The following PRKCB variants were observed in gnomAD, a reference collection of about 807,000 sequenced individuals.
PRKCB encodes protein kinase C beta.
PRKCB carries 13 observed loss-of-function variants against 81.5 expected under a neutral mutation model. The ratio of observed to expected loss-of-function variants is 0.16; its 90% CI spans 0.10 to 0.25. The LOEUF (loss-of-function observed/expected upper bound fraction) is 0.25. PRKCB is among the 10% of genes least tolerant of loss of function. The probability of loss-of-function intolerance (pLI) is 1.00; values close to 1 mark genes in which losing one functional copy is unlikely to be tolerated. For synonymous variants in PRKCB, 335 were observed against 321.4 expected (o/e 1.04, Z -0.45); for missense variants, 509 against 875.7 (o/e 0.58, Z 5.29).
At chr16:23,885,262 G>T (rs1022458341) in intron 2 of PRKCB, among the ~76,000 whole-genome samples, 2 of 152,234 alleles carry the variant, frequency 1.3e-5, no homozygotes, top group Middle Eastern at 6.8e-3. Context: ...TTCTTAAGCA[G>T]ATGGGAGATC....
At chr16:23,863,712 C>T (rs76094990) in intron 2 of PRKCB, among the ~76,000 whole-genome samples, 98 of 152,268 alleles carry the variant, frequency 6.4e-4, no homozygotes, top group African/African-American at 2.3e-3. Flanking sequence ...TGGAGTCAGT[C>T]TTGTCCGCTT....
At position 23,883,410 on chromosome 16, in the gene PRKCB, G is replaced by A. The variant is rs182325942; in HGVS notation, c.205+46004G>A. Among the ~76,000 whole-genome samples the A allele has an allele frequency of 5.9e-5, 9 of 152,262 alleles. 1 individual carries two copies. The highest frequency in any genetic ancestry group is 5.2e-4 in the Admixed American group (8 of 15,294). On this transcript the variant is annotated intron_variant, in intron 2 of 16. Transcript: ENST00000643927. The stretch of plus-strand genomic sequence containing the variant: ...GGCTAGGCGTGATCCTTGTTGCTGG[G>A]GCGTGGTGGGTGTGGGGCCAGATCA...
intron 5 of PRKCB, 33 bp downstream of exon 5, chr16:24,035,580 C>A (rs764975842): frequency 1.3e-6 from 2 of 1,584,468 alleles, no homozygotes; most frequent in Non-Finnish European, 8.6e-7. Flanking sequence ...TGGCTCCTGA[C>A]CTTGCTTGAC....
chr16:23,972,716 G>A (rs931475217), intron 2 of PRKCB, among the ~76,000 whole-genome samples: 2 of 152,120 alleles, frequency 1.3e-5, no homozygotes, highest in East Asian at 1.9e-4. Context: ...CTGGTGAAGG[G>A]GAAACATTGG....
intron 5 of PRKCB, among the ~76,000 whole-genome samples, chr16:24,043,529 G>A (rs1025206032): frequency 6.6e-6 from 1 of 152,038 alleles, no homozygotes; most frequent in African/African-American, 2.4e-5. Flanking sequence ...CACCCCATGA[G>A]GCCAGGGGAA....
intron 5 of PRKCB, among the ~76,000 whole-genome samples, chr16:24,044,651 A>G (rs34569235): frequency 0.52 from 78,647 of 152,110 alleles, 21,174 homozygotes; most frequent in African/African-American, 0.65. Flanking sequence ...ATAAAGTTTT[A>G]TTGGAACACA....
chr16:23,838,967 G>A (rs922286592), intron 2 of PRKCB, among the ~76,000 whole-genome samples: 1 of 152,214 alleles, frequency 6.6e-6, no homozygotes, highest in Non-Finnish European at 1.5e-5. Context: ...AATGCCAATG[G>A]TGTCTTGGCA....
At chr16:24,096,736 T>TA (rs1459148558) in intron 7 of PRKCB, among the ~76,000 whole-genome samples, 6 of 139,628 alleles carry the variant, frequency 4.3e-5, no homozygotes, top group Non-Finnish European at 9.1e-5. Context: ...AGAGGCTGGG[T>TA]AAGCCCCCTT....
At chr16:23,984,102 T>G (rs951744304) in intron 2 of PRKCB, among the ~76,000 whole-genome samples, 6 of 151,788 alleles carry the variant, frequency 4.0e-5, no homozygotes, top group African/African-American at 1.5e-4. Flanking sequence ...TAAAAGAGGG[T>G]TTTTAGCCAT....
rs145781441 is a variant in PRKCB, at chr16:23,855,109, G to A, written c.205+17703G>A. On this transcript the variant is annotated intron_variant, in intron 2 of 16. Transcript: ENST00000643927. ...TGAGATTCAGAGAAAGGAAGACAAA[G>A]CCCCTGTACTTGAGGAGGGAGAGAA... Among the ~76,000 whole-genome samples the A allele has an allele frequency of 1.4e-3, 218 of 152,084 alleles. 1 individual carries two copies. The highest frequency in any genetic ancestry group is 5.0e-3 in the African/African-American group (206 of 41,460).
At chr16:24,079,638 C>A (rs1966224083) in intron 5 of PRKCB, among the ~76,000 whole-genome samples, 1 of 152,164 alleles carries the variant, frequency 6.6e-6, no homozygotes, top group Admixed American at 6.5e-5. Flanking sequence ...ATGCCAGAAT[C>A]TTTGGGGAAT....
chr16:24,062,756 G>C (rs554597780), intron 5 of PRKCB, among the ~76,000 whole-genome samples: 10 of 152,088 alleles, frequency 6.6e-5, no homozygotes, highest in Non-Finnish European at 1.3e-4. Context: ...TGTGGGGACT[G>C]TGACATTACT....
chr16:24,216,086 G>T lies in PRKCB; in HGVS notation c.*1270G>T. The T allele has an allele frequency of 1.0e-6, 1 of 985,362 alleles. No homozygotes were observed. The highest frequency in any genetic ancestry group is 1.2e-6 in the Non-Finnish European group (1 of 829,918). The allele number at this position is 985,362 out of a possible 1,614,324, so 61.0% of individuals were successfully genotyped here. ...AACTACAAAGTGGGAACTGAGGAGG[G>T]AACTCAGGAGAAAGGAACTAACTGC... is the stretch of plus-strand genomic sequence containing the variant. On this transcript the variant is annotated 3_prime_UTR_variant, in exon 17 of 17. Coordinates refer to ENST00000643927, the MANE Select transcript of PRKCB (RefSeq NM_002738.7).
At chr16:23,839,023 A>T (rs1597203088) in intron 2 of PRKCB, among the ~76,000 whole-genome samples, 1 of 152,140 alleles carries the variant, frequency 6.6e-6, no homozygotes, top group South Asian at 2.1e-4. Context: ...CACTTCCATG[A>T]ATCAGTTTCA....
intron 2 of PRKCB, among the ~76,000 whole-genome samples, chr16:23,886,289 T>C (rs905824059): frequency 6.6e-6 from 1 of 152,174 alleles, no homozygotes; most frequent in Non-Finnish European, 1.5e-5. Flanking sequence ...CTTGATTCTT[T>C]TACTCTAGGA....
intron 3 of PRKCB, among the ~76,000 whole-genome samples, chr16:24,019,137 C>A (rs1004440846): frequency 6.6e-6 from 1 of 151,072 alleles, no homozygotes; most frequent in Non-Finnish European, 1.5e-5. Flanking sequence ...TCTCTCTTGC[C>A]TCCATAGATG....
At chr16:24,108,959 G>C (rs1294214617) in intron 7 of PRKCB, among the ~76,000 whole-genome samples, 11 of 147,388 alleles carry the variant, frequency 7.5e-5, no homozygotes, top group South Asian at 2.1e-4. Flanking sequence ...CTTCCCGGAT[G>C]GGGGGGCTGG....
intron 9 of PRKCB, among the ~76,000 whole-genome samples, chr16:24,148,213 G>A (rs181746851): frequency 4.6e-5 from 7 of 152,318 alleles, no homozygotes; most frequent in Admixed American, 1.3e-4. Context: ...CGCCTTGCTA[G>A]TCCTATTGAT....
intron 3 of PRKCB, among the ~76,000 whole-genome samples, chr16:24,007,581 C>T (rs1009284074): frequency 6.6e-6 from 1 of 152,290 alleles, no homozygotes. Flanking sequence ...CTCACTGTCA[C>T]GAAGACACAG....
Sources: allele counts gnomAD v4.1 joint callset (sites outside exome capture counted in the v4.1 genomes callset), GRCh38; gene constraint gnomAD v4.1.1; transcripts MANE v1.5; gene names NCBI Gene and HGNC (gene_info 2026-07-23, HGNC 2026-07-21).